The following CACNA2D4 variants were observed in gnomAD, a reference collection of about 807,000 sequenced individuals.
CACNA2D4 encodes voltage-dependent calcium channel subunit alpha-2/delta-4.
Under a neutral mutation model 163.8 loss-of-function variants are expected in CACNA2D4, and 157 were observed. The observed-to-expected ratio is 0.96, with a 90% CI of 0.84 to 1.09. The LOEUF is 1.09. CACNA2D4 is among the 50% of genes least tolerant of loss of function. The probability of loss-of-function intolerance (pLI) is 0.00; values close to 1 mark genes in which losing one functional copy is unlikely to be tolerated. For synonymous variants in CACNA2D4, 598 were observed against 586.9 expected (o/e 1.02, Z -0.27); for missense variants, 1,410 against 1,479.9 (o/e 0.95, Z 0.78).
intron 6 of CACNA2D4, among the ~76,000 whole-genome samples, chr12:1,898,802 A>C (rs1402297366): frequency 2.0e-5 from 3 of 152,136 alleles, no homozygotes; most frequent in Non-Finnish European, 4.4e-5. Context: ...CCTTAAGGGC[A>C]TTATGCTAAG....
intron 24 of CACNA2D4, among the ~76,000 whole-genome samples, chr12:1,845,250 C>G (rs947061303): frequency 6.6e-6 from 1 of 152,088 alleles, no homozygotes; most frequent in East Asian, 1.9e-4. Context: ...TGGGAGTGCT[C>G]GCAGGAGGCA....
intron 13 of CACNA2D4, among the ~76,000 whole-genome samples, chr12:1,880,913 T>C (rs748025325): frequency 1.3e-5 from 2 of 152,218 alleles, no homozygotes; most frequent in Non-Finnish European, 2.9e-5. Flanking sequence ...CCCAGGCTCT[T>C]GGAGGCCCCT....
intron 16 of CACNA2D4, among the ~76,000 whole-genome samples, chr12:1,877,452 G>T (rs1387850906): frequency 2.0e-5 from 3 of 152,230 alleles, no homozygotes; most frequent in East Asian, 1.9e-4. Flanking sequence ...GTGGCTTCCA[G>T]TGTGCCCTGA....
At chr12:1,860,951 G>A (rs776562729) in intron 18 of CACNA2D4, among the ~76,000 whole-genome samples, 2 of 152,156 alleles carry the variant, frequency 1.3e-5, no homozygotes, top group Non-Finnish European at 2.9e-5. Flanking sequence ...ACTTCACTTC[G>A]AGTTCTCATT....
At chr12:1,840,860 G>T (rs757306139) in intron 25 of CACNA2D4, 41 bp from the exon 26 acceptor site, 5 of 1,548,024 alleles carry the variant, frequency 3.2e-6, no homozygotes, top group Non-Finnish European at 4.5e-6. Flanking sequence ...GAAGAGCTGT[G>T]GTTGGGGCAG....
chr12:1,837,383 C>T (rs1254572521), intron 26 of CACNA2D4, among the ~76,000 whole-genome samples: 3 of 152,060 alleles, frequency 2.0e-5, no homozygotes, highest in Non-Finnish European at 4.4e-5. Flanking sequence ...GAAGCCTCCA[C>T]GGGGCTCAGC....
At chr12:1,808,274 C>G (rs1480055142) in intron 29 of CACNA2D4, among the ~76,000 whole-genome samples, 1 of 152,222 alleles carries the variant, frequency 6.6e-6, no homozygotes, top group African/African-American at 2.4e-5. Context: ...GGGCTGGAAA[C>G]TACAGCCCGT....
At position 1,875,370 on chromosome 12, in the gene CACNA2D4, G is replaced by A. The variant is rs368709141; in HGVS notation, c.1720-33C>T. 4.4e-6 allele frequency: 6 copies of A among 1,365,524 alleles called. No individual in the cohort carries two copies. The African/African-American group carries it at 8.6e-5, about 19-fold the overall frequency. 84.6% of individuals were successfully genotyped at this position (1,365,524 alleles called of 1,614,324 possible). On this transcript the variant is annotated intron_variant, in intron 16 of 37. Coordinates refer to ENST00000382722, the MANE Select transcript of CACNA2D4 (RefSeq NM_172364.5). The surrounding 1 kb of genome is among the most constrained non-coding windows in gnomAD (Gnocchi z 4.0). ...GGGCAGGTCAGGAAGAAAAACATGT[G>A]GTCAGTATACGTCCTGCTCAAGTTT...
chr12:1,868,334 T>C (rs973850810), intron 18 of CACNA2D4, among the ~76,000 whole-genome samples: 1 of 152,136 alleles, frequency 6.6e-6, no homozygotes, highest in Non-Finnish European at 1.5e-5. Flanking sequence ...GAGGACATTA[T>C]GCTACGTGAA....
chr12:1,848,322 C>G (rs113697724), intron 23 of CACNA2D4, among the ~76,000 whole-genome samples: 1 of 152,276 alleles, frequency 6.6e-6, no homozygotes, highest in African/African-American at 2.4e-5. Context: ...GGGGATTCTC[C>G]GGTTCTGGCC....
intron 32 of CACNA2D4, 145 bp downstream of exon 32, chr12:1,800,241 C>T (rs117240148): frequency 0.015 from 14,763 of 988,442 alleles, 152 homozygotes; most frequent in Middle Eastern, 0.025. Flanking sequence ...AGGTGGCGTC[C>T]ATGCCCAGGG....
Position 1,885,012 on chromosome 12 carries a change from C to T in CACNA2D4, c.1133G>A (p.Arg378Lys), listed in dbSNP as rs1866101078. The change falls in exon 10 of 38, where the codon AGA (arginine) becomes AAA (lysine). Residue 378 changes from arginine (R) to lysine (K), a missense_variant. By Grantham distance (26) the Arg-to-Lys change is conservative (BLOSUM62 2). Transcript: ENST00000382722. ...CTGCTTCAGGATCTGGAAGGCTTCT[C>T]TCAGGGCTTGGTCCACGACCCCCAC... ...KGVGVVDQALREAFQILKQFQ... is the reference protein window; with the variant it reads ...KGVGVVDQALKEAFQILKQFQ... 2 of 1,613,864 alleles carry T rather than the reference C, an allele frequency of 1.2e-6. No homozygotes were observed. The highest frequency in any genetic ancestry group is 1.7e-6 in the Non-Finnish European group (2 of 1,179,878).
chr12:1,822,359 A>G (rs1440239189), intron 26 of CACNA2D4, among the ~76,000 whole-genome samples: 1 of 152,106 alleles, frequency 6.6e-6, no homozygotes, highest in African/African-American at 2.4e-5. Context: ...GGGGGTGGGC[A>G]GAGGAGAAAG....
In CACNA2D4 at chr12:1,792,865, C is replaced by T. The variant is rs1863014574; in HGVS notation, c.*790G>A. Reference sequence around the variant, plus strand: ...ATTTTACAGCTATTTTTGCCGTCCCCTGAATGTACATCAATTTCCATGCAG... The same window carrying T: ...ATTTTACAGCTATTTTTGCCGTCCCTTGAATGTACATCAATTTCCATGCAG... On this transcript the variant is annotated 3_prime_UTR_variant, in exon 38 of 38. Transcript: ENST00000382722. The T allele has an allele frequency of 6.6e-6, 1 of 152,238 alleles. No individual in the cohort carries two copies. The highest frequency in any genetic ancestry group is 2.1e-4 in the South Asian group (1 of 4,836). 9.4% of individuals were successfully genotyped at this position (152,238 alleles called of 1,614,324 possible).
intron 27 of CACNA2D4, among the ~76,000 whole-genome samples, chr12:1,811,055 G>A (rs866106777): frequency 3.3e-5 from 5 of 152,296 alleles, no homozygotes; most frequent in African/African-American, 2.4e-5. Context: ...GTGGGTGACC[G>A]CAGCCCCCTG....
In CACNA2D4 at chr12:1,798,553, C is replaced by A. The variant is rs1250436950; in HGVS notation, c.2996-1018G>T. Among the ~76,000 whole-genome samples, 1 of 151,892 alleles carries A rather than the reference C, an allele frequency of 6.6e-6. No individual in the cohort carries two copies. The highest frequency in any genetic ancestry group is 1.9e-4 in the East Asian group (1 of 5,136). ...TTGTCCCCAGGGCTGGGCACAGAAG[C>A]CTGCCTGACAATGGCAGGGTTGAGT... On this transcript the variant is annotated intron_variant, in intron 34 of 37. Transcript: ENST00000382722. This position sits in a 1 kb window ranked among gnomAD's most constrained non-coding sequence, Gnocchi z 4.3.
rs754599793 is a variant in CACNA2D4 at position 1,874,689 on chromosome 12, G to A, written c.1807-14C>T. On this transcript the variant is annotated splice_polypyrimidine_tract_variant and intron_variant, in intron 17 of 37. Coordinates refer to ENST00000382722, the MANE Select transcript of CACNA2D4 (RefSeq NM_172364.5). This position sits in a 1 kb window ranked among gnomAD's most constrained non-coding sequence, Gnocchi z 4.4. ...GGCTGTTCTCAGCTTCAGGAGGAAA[G>A]ACAATGGCATTAGTTCCTTGGCTCA... 1 of 1,592,736 alleles carries A rather than the reference G, an allele frequency of 6.3e-7. No homozygotes were observed. The highest frequency in any genetic ancestry group is 8.6e-7 in the Non-Finnish European group (1 of 1,160,762).
chr12:1,899,269 G>A (rs1389120293), intron 6 of CACNA2D4, among the ~76,000 whole-genome samples: 1 of 151,992 alleles, frequency 6.6e-6, no homozygotes, highest in African/African-American at 2.4e-5. Context: ...AAGTCAGGAG[G>A]AGGAACAAAA....
At chr12:1,826,400 G>GT (rs1864318139) in intron 26 of CACNA2D4, among the ~76,000 whole-genome samples, 2 of 57,088 alleles carry the variant, frequency 3.5e-5, no homozygotes, top group Admixed American at 2.3e-4. Flanking sequence ...TGAACCCAGA[G>GT]CCCCCCCCCC....
Sources: allele counts gnomAD v4.1 joint callset (sites outside exome capture counted in the v4.1 genomes callset), GRCh38; gene constraint gnomAD v4.1.1; non-coding constraint Gnocchi (gnomAD v3.1); transcripts MANE v1.5; gene names NCBI Gene and HGNC (gene_info 2026-07-23, HGNC 2026-07-21).